The following BCL9 variants were observed in gnomAD, a reference collection of about 807,000 sequenced individuals.
The protein encoded by BCL9 is B-cell CLL/lymphoma 9 protein.
Under a neutral mutation model 88.5 loss-of-function variants are expected in BCL9, and 25 were observed. That is an observed-to-expected ratio of 0.28 (90% confidence interval 0.21 to 0.39). The LOEUF is 0.39. BCL9 is among the 10% of genes least tolerant of loss of function. The pLI is 1.00. For missense variants in BCL9, 1,817 were observed against 1,877.8 expected (o/e 0.97, Z 0.60); for synonymous variants, 711 against 673.3 (o/e 1.06, Z -0.87).
chr1:147,604,020 CTG>C (rs1352699550), intron 1 of BCL9, among the ~76,000 whole-genome samples: 1 of 152,096 alleles, frequency 6.6e-6, no homozygotes, highest in East Asian at 1.9e-4. Context: ...TCTAATGAGA[CTG>C]TAATTTTTGA....
chr1:147,606,332 G>A (rs781970397), intron 2 of BCL9, among the ~76,000 whole-genome samples: 1 of 152,180 alleles, frequency 6.6e-6, no homozygotes, highest in Non-Finnish European at 1.5e-5. Context: ...TTATGGTGGA[G>A]AGCAGGGAGA....
intron 8 of BCL9, 61 bp downstream of exon 8, chr1:147,621,118 T>C: frequency 1.3e-6 from 2 of 1,486,886 alleles, no homozygotes; most frequent in South Asian, 2.6e-5. Flanking sequence ...GACCTGATAG[T>C]TACTTTAAGA....
At chr1:147,621,197 T>C in intron 8 of BCL9, 140 bp downstream of exon 8, 1 of 983,354 alleles carries the variant, frequency 1.0e-6, no homozygotes, top group Non-Finnish European at 1.5e-6. Context: ...TGTGGCAAGG[T>C]GCATAATCAG....
intron 1 of BCL9, among the ~76,000 whole-genome samples, chr1:147,555,482 T>C (rs1655066526): frequency 6.6e-6 from 1 of 152,210 alleles, no homozygotes; most frequent in African/African-American, 2.4e-5. Context: ...GAGACCCTTA[T>C]ACCCAATTCA....
rs1356465948 is a variant in BCL9 at position 147,626,082 on chromosome 1, T to C, written c.*1123T>C. On this transcript the variant is annotated 3_prime_UTR_variant, in exon 10 of 10. Transcript: ENST00000234739. ...TCCAGGATTTTGTTTCTGTTTGTTT[T>C]AAATTTTGTGGTTCCTTCCCTTTCC... The C allele has an allele frequency of 9.0e-6, 2 of 221,376 alleles. No homozygotes were observed. Among genetic ancestry groups the C allele is most frequent in the East Asian group, 6.6e-5 (1 of 15,192 alleles). The allele number at this position is 221,376 out of a possible 1,614,324, so 13.7% of individuals were successfully genotyped here.
intron 6 of BCL9, among the ~76,000 whole-genome samples, chr1:147,615,349 A>G (rs1026958729): frequency 1.2e-4 from 19 of 152,162 alleles, no homozygotes; most frequent in African/African-American, 3.9e-4. Flanking sequence ...GGATGCATCA[A>G]TTTTTATTTA....
chr1:147,597,938 T>C (rs684642), intron 1 of BCL9, among the ~76,000 whole-genome samples: 3,767 of 152,330 alleles, frequency 0.025, 164 homozygotes, highest in African/African-American at 0.086. Flanking sequence ...TGGCTAAGAC[T>C]TTCTTTTAAC....
At chr1:147,616,968 T>C (rs1416862777) in intron 7 of BCL9, among the ~76,000 whole-genome samples, 1 of 152,184 alleles carries the variant, frequency 6.6e-6, no homozygotes, top group Non-Finnish European at 1.5e-5. Flanking sequence ...TGGGAAAAGT[T>C]AATTGACAAT....
chr1:147,579,481 G>C (rs941740846), intron 1 of BCL9, among the ~76,000 whole-genome samples: 19 of 152,198 alleles, frequency 1.2e-4, no homozygotes, highest in Non-Finnish European at 2.2e-4. Flanking sequence ...CTGCTAGCAA[G>C]AAGTTAAACC....
chr1:147,599,140 T>C (rs1156728070), intron 1 of BCL9, among the ~76,000 whole-genome samples: 3 of 152,222 alleles, frequency 2.0e-5, no homozygotes, highest in Non-Finnish European at 4.4e-5. Flanking sequence ...TGAGCCAGGC[T>C]GGGCTGGGCC....
chr1:147,601,634 T>A (rs1336225807), intron 1 of BCL9, among the ~76,000 whole-genome samples: 5 of 152,238 alleles, frequency 3.3e-5, no homozygotes, highest in Admixed American at 1.3e-4. Flanking sequence ...TTGTCCTGTT[T>A]TGTGTTTTCT....
intron 5 of BCL9, 65 bp downstream of exon 5, chr1:147,613,264 T>C: frequency 6.5e-7 from 1 of 1,538,546 alleles, no homozygotes; most frequent in Non-Finnish European, 9.0e-7. Flanking sequence ...GCCTCTGACA[T>C]TCGACAGAGG....
At chr1:147,567,798 A>G (rs782538586) in intron 1 of BCL9, among the ~76,000 whole-genome samples, 1 of 152,048 alleles carries the variant, frequency 6.6e-6, no homozygotes, top group Non-Finnish European at 1.5e-5. Context: ...GCTAGGAACC[A>G]ATCTCTCCTT....
intron 1 of BCL9, among the ~76,000 whole-genome samples, chr1:147,544,136 G>A (rs1212821253): frequency 6.6e-6 from 1 of 152,156 alleles, no homozygotes; most frequent in South Asian, 2.1e-4. Flanking sequence ...GGAACTTACA[G>A]TCTTGTTGGT....
rs376171487 is a variant in BCL9, at chr1:147,620,121, A to G, written c.1966A>G (p.Met656Val). Residue 656 changes from methionine to valine, a missense_variant, in exon 8 of 10, where the codon ATG becomes GTG. Around this residue, in one of 2 missense-constraint regions of BCL9, gnomAD observed 1,228 missense variants for 1,191.6 expected, o/e 1.03. Transcript: ENST00000234739. Reference sequence around the variant, plus strand: ...GGCCATGGAAGGCATCAGGCCCAGCATGGAGATGAACAGGATGATTCCAGG... The same window carrying G: ...GGCCATGGAAGGCATCAGGCCCAGCGTGGAGATGAACAGGATGATTCCAGG... ...GMAMEGIRPSMEMNRMIPGSQ... is the reference protein window; with the variant it reads ...GMAMEGIRPSVEMNRMIPGSQ... 1.2e-6 allele frequency: 2 copies of G among 1,614,052 alleles called. No individual in the cohort carries two copies. Among genetic ancestry groups the G allele is most frequent in the Admixed American group, 1.7e-5 (1 of 60,002 alleles).
intron 1 of BCL9, among the ~76,000 whole-genome samples, chr1:147,552,648 A>G (rs1328615187): frequency 4.6e-5 from 7 of 152,230 alleles, no homozygotes; most frequent in Admixed American, 4.6e-4. Flanking sequence ...TTAACAGATA[A>G]TAATGCTTTT....
At chr1:147,605,672 C>T (rs1553201901) in intron 2 of BCL9, among the ~76,000 whole-genome samples, 1 of 152,158 alleles carries the variant, frequency 6.6e-6, no homozygotes, top group East Asian at 1.9e-4. Context: ...TTTACTTTCT[C>T]CACATGTTGG....
At chr1:147,616,100 T>G (rs1250575760) in intron 7 of BCL9, among the ~76,000 whole-genome samples, 198 bp downstream of exon 7, 2 of 152,204 alleles carry the variant, frequency 1.3e-5, no homozygotes, top group African/African-American at 4.8e-5. Context: ...GCTGGTAGAT[T>G]GATGAATTAC....
intron 4 of BCL9, among the ~76,000 whole-genome samples, chr1:147,612,235 T>A (rs1204532440): frequency 6.6e-6 from 1 of 152,208 alleles, no homozygotes; most frequent in African/African-American, 2.4e-5. Flanking sequence ...GGAAGCCTAA[T>A]GTCGTAGAAC....
Sources: gnomAD v4.1 joint callset for allele counts (sites outside exome capture counted in the v4.1 genomes callset) on GRCh38, gnomAD v4.1.1 for gene constraint, gnomAD v4.1.1 regional missense constraint, MANE v1.5 for transcripts, NCBI Gene and HGNC (gene_info 2026-07-23, HGNC 2026-07-21) for gene names.